Variants in GLI3 observed in about 807,000 individuals in gnomAD.
GLI3 encodes GLI family zinc finger 3.
GLI3 carries 20 observed loss-of-function variants against 100.8 expected under a neutral mutation model. That is an observed-to-expected ratio of 0.20 (90% CI 0.14 to 0.29). The LOEUF is 0.29. GLI3 is among the 10% of genes least tolerant of loss of function. GLI3 has a pLI of 1.00. For missense variants in GLI3, 2,040 were observed against 2,128.5 expected (o/e 0.96, Z 0.82); for synonymous variants, 938 against 860.5 (o/e 1.09, Z -1.58).
intron 4 of GLI3, among the ~76,000 whole-genome samples, chr7:42,073,162 A>G (rs2128750811): frequency 6.6e-6 from 1 of 152,320 alleles, no homozygotes; most frequent in South Asian, 2.1e-4. Flanking sequence ...CACAATTTTG[A>G]TTTAAGAAAC....
intron 3 of GLI3, among the ~76,000 whole-genome samples, chr7:42,097,222 T>C (rs1318222092): frequency 6.6e-6 from 1 of 152,110 alleles, no homozygotes; most frequent in East Asian, 1.9e-4. Context: ...CTGGAGAAAA[T>C]GTTTGATCAA....
chr7:42,009,267 C>T (rs1257805590), intron 10 of GLI3, among the ~76,000 whole-genome samples: 3 of 152,136 alleles, frequency 2.0e-5, no homozygotes, highest in African/African-American at 7.2e-5. Context: ...AATATCAGCC[C>T]GGTCTAGTGT....
intron 3 of GLI3, among the ~76,000 whole-genome samples, chr7:42,121,451 T>A (rs1367057173): frequency 6.6e-6 from 1 of 152,228 alleles, no homozygotes; most frequent in Non-Finnish European, 1.5e-5. Flanking sequence ...CTACTGCCCC[T>A]GCCCCCAAAA....
At chr7:42,089,178 A>G (rs910759568) in intron 3 of GLI3, among the ~76,000 whole-genome samples, 2 of 152,282 alleles carry the variant, frequency 1.3e-5, no homozygotes, top group African/African-American at 4.8e-5. Context: ...CTACAGCCCT[A>G]GGGACTATAG....
At chr7:42,055,464 G>C (rs529154566) in intron 4 of GLI3, among the ~76,000 whole-genome samples, 66 of 152,118 alleles carry the variant, frequency 4.3e-4, no homozygotes, top group African/African-American at 1.5e-3. Flanking sequence ...GGGAAAACAA[G>C]TCCCCTCCTC....
At chr7:42,039,540 T>G (rs1306561776) in intron 7 of GLI3, among the ~76,000 whole-genome samples, 1 of 152,232 alleles carries the variant, frequency 6.6e-6, no homozygotes, top group Non-Finnish European at 1.5e-5. Context: ...CTTTCCAATG[T>G]CATCTGCACT....
At chr7:42,067,102 T>A (rs1273953786) in intron 4 of GLI3, among the ~76,000 whole-genome samples, 1 of 152,220 alleles carries the variant, frequency 6.6e-6, no homozygotes. Context: ...ATAAAAGTAT[T>A]AACATAATCC....
Position 41,965,528 on chromosome 7 carries a change from C to T in GLI3, c.3545G>A (p.Arg1182Gln), listed in dbSNP as rs1182420610. The change falls in exon 15 of 15, where the codon CGG (arginine) becomes CAG (glutamine). Residue 1182 changes from arginine to glutamine, a missense_variant. Arg to Gln is a conservative substitution (Grantham distance 43). Coordinates refer to ENST00000395925, the MANE Select transcript of GLI3 (RefSeq NM_000168.6). ...LSSSKLKCGP[R>Q]PAVPQTRAFG... ...GGCGCGAGTCTGCGGCACAGCGGGCCGCGGCCCACACTTGAGCTTGGAGGA... is the reference window on the plus strand; with the variant it reads ...GGCGCGAGTCTGCGGCACAGCGGGCTGCGGCCCACACTTGAGCTTGGAGGA... 1.6e-5 allele frequency: 25 copies of T among 1,605,280 alleles called. No individual in the cohort carries two copies. The highest frequency in any genetic ancestry group is 2.2e-5 in the East Asian group (1 of 44,558).
At chr7:42,131,102 G>T (rs1242846991) in intron 3 of GLI3, among the ~76,000 whole-genome samples, 2 of 152,150 alleles carry the variant, frequency 1.3e-5, no homozygotes, top group Admixed American at 1.3e-4. Flanking sequence ...ACTGTTGTTG[G>T]GAAGTTACTT....
intron 3 of GLI3, 110 bp from the exon 4 acceptor site, chr7:42,076,967 C>A: frequency 1.3e-6 from 1 of 744,978 alleles, no homozygotes; most frequent in Non-Finnish European, 2.4e-6. Flanking sequence ...TACACTTAAT[C>A]TAAGAATTTG....
At chr7:42,102,580 C>T (rs889346386) in intron 3 of GLI3, among the ~76,000 whole-genome samples, 12 of 152,236 alleles carry the variant, frequency 7.9e-5, no homozygotes, top group African/African-American at 1.9e-4. Flanking sequence ...GCCCAGCCAC[C>T]GAGCAGCTGT....
intron 10 of GLI3, among the ~76,000 whole-genome samples, chr7:42,005,071 G>C (rs1788415200): frequency 6.6e-6 from 1 of 152,128 alleles, no homozygotes; most frequent in Non-Finnish European, 1.5e-5. Flanking sequence ...ATGAAAGCAA[G>C]ACACAAAATA....
At chr7:41,979,577 G>C (rs1787601638) in intron 10 of GLI3, among the ~76,000 whole-genome samples, 1 of 152,134 alleles carries the variant, frequency 6.6e-6, no homozygotes, top group South Asian at 2.1e-4. Flanking sequence ...GAAACCTACT[G>C]CAGCATGAGA....
intron 3 of GLI3, among the ~76,000 whole-genome samples, chr7:42,090,696 G>C (rs543669734): frequency 4.5e-4 from 69 of 152,256 alleles, no homozygotes; most frequent in Middle Eastern, 3.4e-3. Context: ...TCTGTCTCCT[G>C]AACTTCACAC....
intron 10 of GLI3, among the ~76,000 whole-genome samples, chr7:41,999,722 T>A (rs1316962791): frequency 6.6e-6 from 1 of 152,088 alleles, no homozygotes; most frequent in Non-Finnish European, 1.5e-5. Flanking sequence ...TCCAAATGAG[T>A]CTATCCTCTG....
At chr7:42,255,083 T>A (rs1326794436) in intron 1 of GLI3, among the ~76,000 whole-genome samples, 1 of 152,032 alleles carries the variant, frequency 6.6e-6, no homozygotes, top group African/African-American at 2.4e-5. Flanking sequence ...TCTGTTTTTT[T>A]TTTTGCATCT....
rs774393783 is a variant in GLI3, at chr7:41,967,694, A to G, written c.2333T>C (p.Val778Ala). ...CACTTGTTTTAGCCTTTCTAGTTTT[A>G]CGTGCTCCATCCATTTGGTCCCTGC... The part of the protein sequence containing the change: ...NPAGTKWMEH[V>A]KLERLKQVNG... The change falls in exon 14 of 15, where the codon GTA (valine) becomes GCA (alanine). Residue 778 changes from valine to alanine, a missense_variant. This residue lies in a region of GLI3 where 327 missense variants were observed against 338.7 expected (regional missense o/e 0.97). Coordinates refer to ENST00000395925, the MANE Select transcript of GLI3 (RefSeq NM_000168.6). 22 of 1,614,084 alleles carry G rather than the reference A, an allele frequency of 1.4e-5. No individual in the cohort carries two copies. Among genetic ancestry groups the G allele is most frequent in the Non-Finnish European group, 1.7e-5 (20 of 1,180,036 alleles).
chr7:42,205,866 AAG>A (rs1788140344), intron 2 of GLI3, among the ~76,000 whole-genome samples: 3 of 152,148 alleles, frequency 2.0e-5, no homozygotes, highest in Admixed American at 6.6e-5. Context: ...TACGCCTGGG[AAG>A]AGAGTAACCT....
At chr7:42,203,168 C>G (rs1360234187) in intron 2 of GLI3, among the ~76,000 whole-genome samples, 1 of 152,224 alleles carries the variant, frequency 6.6e-6, no homozygotes, top group Non-Finnish European at 1.5e-5. Context: ...TATACATACA[C>G]ACACATTGTG....
Sources: allele counts gnomAD v4.1 joint callset (sites outside exome capture counted in the v4.1 genomes callset), GRCh38; gene constraint gnomAD v4.1.1; regional missense constraint gnomAD v4.1.1; transcripts MANE v1.5; gene names NCBI Gene and HGNC (gene_info 2026-07-23, HGNC 2026-07-21).